The following PBX1 variants were observed in gnomAD, a reference collection of about 807,000 sequenced individuals.
PBX1 encodes PBX homeobox 1.
PBX1 carries 6 observed loss-of-function variants against 53.4 expected under a neutral mutation model. That is an observed-to-expected ratio of 0.11 (90% CI 0.06 to 0.22). The LOEUF (loss-of-function observed/expected upper bound fraction) is 0.22, where lower values mean the gene tolerates loss of function less well. PBX1 is among the 10% of genes least tolerant of loss of function. PBX1 has a pLI of 1.00. For synonymous variants in PBX1, 204 were observed against 212.3 expected (o/e 0.96, Z 0.34); for missense variants, 251 against 551.4 (o/e 0.46, Z 5.46).
At chr1:164,828,382 G>A (rs938371494) in intron 8 of PBX1, 2 of 152,170 alleles carry the variant, frequency 1.3e-5, no homozygotes, top group African/African-American at 4.8e-5. Flanking sequence ...GGACAGTTGA[G>A]CTGGATTTTG....
At chr1:164,766,686 G>T (rs1667070319) in intron 2 of PBX1, among the ~76,000 whole-genome samples, 1 of 150,360 alleles carries the variant, frequency 6.7e-6, no homozygotes, top group African/African-American at 2.4e-5. Flanking sequence ...CAAATGGGTT[G>T]TATTCCAGAA....
At chr1:164,687,400 AAAAAT>A (rs1256993842) in intron 2 of PBX1, among the ~76,000 whole-genome samples, 3 of 151,834 alleles carry the variant, frequency 2.0e-5, no homozygotes, top group Non-Finnish European at 2.9e-5. Flanking sequence ...TGTCTCTACA[AAAAAT>A]ACAAAAATTA....
intron 2 of PBX1, among the ~76,000 whole-genome samples, chr1:164,734,583 T>A (rs1287843551): frequency 6.6e-6 from 1 of 152,202 alleles, no homozygotes; most frequent in Non-Finnish European, 1.5e-5. Context: ...GAGTGCCTGC[T>A]GTATGTCACA....
At chr1:164,838,728 G>T (rs1456350656) in intron 8 of PBX1, among the ~76,000 whole-genome samples, 1 of 152,132 alleles carries the variant, frequency 6.6e-6, no homozygotes, top group Non-Finnish European at 1.5e-5. Flanking sequence ...GTGTACCACT[G>T]TGTATTTGTG....
chr1:164,838,178 G>A lies in PBX1; in HGVS notation c.1201-8406G>A, dbSNP rs953255971. Among the ~76,000 whole-genome samples, 6 of 152,264 alleles carry A rather than the reference G, an allele frequency of 3.9e-5. No individual in the cohort carries two copies. In the East Asian group the frequency reaches 7.7e-4, roughly 20 times the overall value. ...GGGTGCATGCAAGATAAAATTCAAG[G>A]TAGTAACTTCTAACAAGAGAGTTTG... On this transcript the variant is annotated intron_variant, in intron 8 of 8. Coordinates refer to ENST00000420696, the MANE Select transcript of PBX1 (RefSeq NM_002585.4).
chr1:164,812,272 A>G (rs1669651386), intron 6 of PBX1, 123 bp downstream of exon 6: 1 of 963,134 alleles, frequency 1.0e-6, no homozygotes, highest in Non-Finnish European at 1.5e-6. Context: ...TCTGTATTTG[A>G]TTGTATTTTT....
At chr1:164,614,633 A>G (rs538247451) in intron 2 of PBX1, among the ~76,000 whole-genome samples, 8 of 152,194 alleles carry the variant, frequency 5.3e-5, no homozygotes, top group Admixed American at 1.3e-4. Context: ...GAAATATGGA[A>G]GCAGATCATA....
chr1:164,590,457 A>G, intron 2 of PBX1: 1 of 455,934 alleles, frequency 2.2e-6, no homozygotes, highest in Non-Finnish European at 4.4e-6. Context: ...CTCTGTGGGA[A>G]GTGAATAATG....
intron 2 of PBX1, among the ~76,000 whole-genome samples, chr1:164,857,724 G>A (rs1488431011): frequency 6.6e-6 from 1 of 152,130 alleles, no homozygotes; most frequent in Non-Finnish European, 1.5e-5. Context: ...AGGAACTGGG[G>A]ACAAAGACCA....
At chr1:164,568,304 C>T (rs1653578210) in intron 2 of PBX1, among the ~76,000 whole-genome samples, 1 of 149,124 alleles carries the variant, frequency 6.7e-6, no homozygotes, top group Non-Finnish European at 1.5e-5. Context: ...CTTGGTGAAG[C>T]GAATCTAAAT....
At chr1:164,725,567 G>A (rs1009151335) in intron 2 of PBX1, among the ~76,000 whole-genome samples, 1 of 152,056 alleles carries the variant, frequency 6.6e-6, no homozygotes, top group Non-Finnish European at 1.5e-5. Flanking sequence ...TCAGCCACTG[G>A]TGGTTTGCCA....
chr1:164,724,267 A>G (rs1049063628), intron 2 of PBX1, among the ~76,000 whole-genome samples: 1 of 152,202 alleles, frequency 6.6e-6, no homozygotes, highest in African/African-American at 2.4e-5. Flanking sequence ...CTGAGCTTCC[A>G]GGCCCATGGA....
intron 2 of PBX1, among the ~76,000 whole-genome samples, chr1:164,634,198 T>C (rs1658594354): frequency 2.6e-5 from 4 of 152,218 alleles, no homozygotes; most frequent in African/African-American, 2.4e-5. Context: ...TTCCCTGTCC[T>C]GAAGCCTGTA....
At chr1:164,727,356 A>G (rs1329179653) in intron 2 of PBX1, among the ~76,000 whole-genome samples, 1 of 152,206 alleles carries the variant, frequency 6.6e-6, no homozygotes, top group Non-Finnish European at 1.5e-5. Context: ...ACTGTGTCAC[A>G]TTAATAAAAC....
intron 4 of PBX1, among the ~76,000 whole-genome samples, chr1:164,802,768 A>G (rs938380260): frequency 2.6e-5 from 4 of 152,040 alleles, no homozygotes; most frequent in Admixed American, 2.6e-4. Flanking sequence ...CCACACATTC[A>G]TTCATTCATT....
chr1:164,712,784 C>T (rs2800793), intron 2 of PBX1, among the ~76,000 whole-genome samples: 1 of 151,998 alleles, frequency 6.6e-6, no homozygotes, highest in Non-Finnish European at 1.5e-5. Flanking sequence ...TTGCCTGTTC[C>T]GTTCAGCGTC....
intron 2 of PBX1, among the ~76,000 whole-genome samples, chr1:164,709,904 G>A (rs1663656855): frequency 6.6e-6 from 1 of 152,182 alleles, no homozygotes; most frequent in Admixed American, 6.5e-5. Flanking sequence ...TTAATCTGCA[G>A]AAGGAAAGCA....
chr1:164,743,596 T>C (rs1256947859), intron 2 of PBX1, among the ~76,000 whole-genome samples: 3 of 152,162 alleles, frequency 2.0e-5, no homozygotes, highest in Non-Finnish European at 4.4e-5. Flanking sequence ...GTCAGACAGC[T>C]TACTAACACT....
intron 2 of PBX1, among the ~76,000 whole-genome samples, chr1:164,742,229 C>T (rs1466136483): frequency 6.6e-6 from 1 of 152,148 alleles, no homozygotes; most frequent in Non-Finnish European, 1.5e-5. Flanking sequence ...GATTGGAAGG[C>T]CCATCATGTA....
Sources: gnomAD v4.1 joint callset for allele counts (sites outside exome capture counted in the v4.1 genomes callset) on GRCh38, gnomAD v4.1.1 for gene constraint, MANE v1.5 for transcripts, NCBI Gene and HGNC (gene_info 2026-07-23, HGNC 2026-07-21) for gene names.